Variants in CNTN1 observed in about 807,000 individuals in gnomAD.
The protein encoded by CNTN1 is contactin 1.
CNTN1 carries 38 observed loss-of-function variants against 126.4 expected under a neutral mutation model. The ratio of observed to expected loss-of-function variants is 0.30; its 90% CI spans 0.23 to 0.39. The LOEUF is 0.39. Among genes scored for constraint, CNTN1 ranks in the 10% least tolerant of loss-of-function variants. The probability of loss-of-function intolerance (pLI) is 1.00; values close to 1 mark genes in which losing one functional copy is unlikely to be tolerated. For missense variants in CNTN1, 1,009 were observed against 1,248.4 expected (o/e 0.81, Z 2.89); for synonymous variants, 413 against 422.6 (o/e 0.98, Z 0.28).
At chr12:40,776,351 G>T (rs905919283) in intron 1 of CNTN1, among the ~76,000 whole-genome samples, 3 of 151,418 alleles carry the variant, frequency 2.0e-5, no homozygotes, top group African/African-American at 7.3e-5. Flanking sequence ...GATCAGTTTT[G>T]GGGTGTGCAA....
chr12:40,996,637 C>G (rs1025659891), intron 17 of CNTN1, among the ~76,000 whole-genome samples: 5 of 152,020 alleles, frequency 3.3e-5, no homozygotes, highest in African/African-American at 1.2e-4. Context: ...TAATGGATTA[C>G]CCATTTAGCA....
chr12:40,816,767 G>C (rs1293453230), intron 1 of CNTN1, among the ~76,000 whole-genome samples: 3 of 152,000 alleles, frequency 2.0e-5, no homozygotes, highest in African/African-American at 7.2e-5. Flanking sequence ...TTAGCTTTCT[G>C]ATGTGGGCAT....
At chr12:40,909,503 T>G (rs561984302) in intron 2 of CNTN1, among the ~76,000 whole-genome samples, 1 of 152,078 alleles carries the variant, frequency 6.6e-6, no homozygotes, top group African/African-American at 2.4e-5. Flanking sequence ...GTCCTCATCC[T>G]TTTGTATATA....
intron 2 of CNTN1, among the ~76,000 whole-genome samples, chr12:40,909,858 A>G (rs1020042770): frequency 7.9e-5 from 12 of 151,978 alleles, no homozygotes; most frequent in African/African-American, 2.9e-4. Context: ...CTGAAAATTC[A>G]TACGAATTCT....
At position 40,993,229 on chromosome 12, in the gene CNTN1, G is replaced by T; in HGVS notation, c.2073G>T (p.Glu691Asp). 1 of 1,613,762 alleles carries T rather than the reference G, an allele frequency of 6.2e-7. No homozygotes were observed. The highest frequency in any genetic ancestry group is 8.5e-7 in the Non-Finnish European group (1 of 1,179,704). ...CAACCAATACACTGGGTAGAGGAGA[G>T]CCCAGTATACCATCTAACAGAATTA... ...VVATNTLGRG[E>D]PSIPSNRIKT... Residue 691 changes from glutamate (E) to aspartate (D), a missense_variant, in exon 17 of 24, where the codon GAG (glutamate) becomes GAT (aspartate). Coordinates refer to ENST00000551295, the MANE Select transcript of CNTN1 (RefSeq NM_001843.4).
chr12:40,867,788 T>A (rs115189659), intron 1 of CNTN1, among the ~76,000 whole-genome samples: 242 of 152,146 alleles, frequency 1.6e-3, no homozygotes, highest in African/African-American at 5.6e-3. Context: ...TTTGAATGAA[T>A]TTTTTCTCTT....
chr12:40,970,879 C>T (rs1210119796), intron 15 of CNTN1, among the ~76,000 whole-genome samples: 1 of 152,156 alleles, frequency 6.6e-6, no homozygotes, highest in Non-Finnish European at 1.5e-5. Context: ...TAGTTACAGT[C>T]CATACATTGT....
intron 1 of CNTN1, among the ~76,000 whole-genome samples, chr12:40,709,421 C>A (rs1941854160): frequency 6.6e-6 from 1 of 152,120 alleles, no homozygotes; most frequent in Non-Finnish European, 1.5e-5. Context: ...CTTAAGTGCC[C>A]TAGAATTTTC....
chr12:40,704,118 A>C (rs1297157035), intron 1 of CNTN1, among the ~76,000 whole-genome samples: 1 of 152,016 alleles, frequency 6.6e-6, no homozygotes, highest in Non-Finnish European at 1.5e-5. Context: ...AGAAAAAGAA[A>C]GTTTCTTTAA....
At chr12:40,863,926 T>TCCTTCCTTCCGCCCTC (rs760801289) in intron 1 of CNTN1, among the ~76,000 whole-genome samples, 4 of 129,150 alleles carry the variant, frequency 3.1e-5, no homozygotes, top group African/African-American at 1.5e-4. Context: ...CTTCCTTCCT[T>TCCTTCCTTCCGCCCTC]CCTCCCTCCC....
At chr12:41,017,000 C>G in intron 19 of CNTN1, 84 bp downstream of exon 19, 1 of 1,171,428 alleles carries the variant, frequency 8.5e-7, no homozygotes, top group Admixed American at 1.8e-5. Context: ...TCCTTTCAGG[C>G]CTTACTTATT....
intron 1 of CNTN1, among the ~76,000 whole-genome samples, chr12:40,734,410 G>T (rs963149833): frequency 1.3e-5 from 2 of 152,004 alleles, no homozygotes; most frequent in Non-Finnish European, 2.9e-5. Flanking sequence ...AATATCCTAG[G>T]GTTTACCACA....
intron 1 of CNTN1, among the ~76,000 whole-genome samples, chr12:40,903,600 T>C (rs750528890): frequency 7.9e-5 from 12 of 152,098 alleles, no homozygotes; most frequent in Non-Finnish European, 1.2e-4. Context: ...AATGATGGGA[T>C]AACTGGTGAC....
chr12:41,024,706 A>G (rs1949002038), intron 20 of CNTN1, among the ~76,000 whole-genome samples: 1 of 152,144 alleles, frequency 6.6e-6, no homozygotes. Flanking sequence ...ATTTTTATCC[A>G]GCAAAATTAT....
intron 23 of CNTN1, among the ~76,000 whole-genome samples, chr12:41,053,436 T>TATATATATATATAC (rs1949732348): frequency 2.0e-5 from 2 of 102,062 alleles, no homozygotes; most frequent in Admixed American, 9.7e-5. Flanking sequence ...TAAATATATA[T>TATATATATATATAC]ATATATATAT....
chr12:40,779,597 A>T (rs186900245), intron 1 of CNTN1, among the ~76,000 whole-genome samples: 2 of 152,036 alleles, frequency 1.3e-5, no homozygotes, highest in Admixed American at 1.3e-4. Context: ...CATTGCTGTC[A>T]TTTAAGACAT....
intron 1 of CNTN1, among the ~76,000 whole-genome samples, chr12:40,777,450 T>G (rs1200311856): frequency 6.6e-6 from 1 of 151,646 alleles, no homozygotes; most frequent in Non-Finnish European, 1.5e-5. Flanking sequence ...TAGGCGACCC[T>G]CCTGGCACAG....
intron 23 of CNTN1, among the ~76,000 whole-genome samples, chr12:41,048,035 T>G (rs1949584523): frequency 6.6e-6 from 1 of 152,148 alleles, no homozygotes; most frequent in Non-Finnish European, 1.5e-5. Context: ...ATATAATTAT[T>G]CCCTTGCATA....
intron 17 of CNTN1, among the ~76,000 whole-genome samples, chr12:40,998,397 C>T (rs1948274384): frequency 6.6e-6 from 1 of 152,132 alleles, no homozygotes. Context: ...AAAACTCATT[C>T]TGCTTCACCT....
Sources: gnomAD v4.1 joint callset for allele counts (sites outside exome capture counted in the v4.1 genomes callset) on GRCh38, gnomAD v4.1.1 for gene constraint, MANE v1.5 for transcripts, NCBI Gene and HGNC (gene_info 2026-07-23, HGNC 2026-07-21) for gene names.